The following PHACTR1 variants were observed in gnomAD, a reference collection of about 807,000 sequenced individuals.
PHACTR1 encodes RPEL repeat containing 1.
Under a neutral mutation model 69.2 loss-of-function variants are expected in PHACTR1, and 16 were observed. The ratio of observed to expected loss-of-function variants is 0.23; its 90% CI spans 0.16 to 0.35. The LOEUF (loss-of-function observed/expected upper bound fraction) is 0.35. Ranked by LOEUF, PHACTR1 falls within the 10% of genes least tolerant of loss-of-function variation. PHACTR1 has a pLI of 1.00. For missense variants in PHACTR1, 510 were observed against 734.7 expected (o/e 0.69, Z 3.54); for synonymous variants, 312 against 284.5 (o/e 1.10, Z -0.97).
intron 4 of PHACTR1, among the ~76,000 whole-genome samples, chr6:12,850,189 A>G (rs1343468692): frequency 6.6e-6 from 1 of 152,200 alleles, no homozygotes; most frequent in Non-Finnish European, 1.5e-5. Context: ...CCCAAAGCCT[A>G]TGCCAGATAT....
chr6:13,242,744 T>C lies in PHACTR1; in HGVS notation c.1391+12551T>C, dbSNP rs188982143. Among the ~76,000 whole-genome samples the C allele has an allele frequency of 2.2e-3, 338 of 152,316 alleles. 3 individuals carry two copies. The highest frequency in any genetic ancestry group is 7.7e-3 in the African/African-American group (322 of 41,576). On this transcript the variant is annotated intron_variant, in intron 10 of 14. Transcript: ENST00000332995. Reference sequence around the variant, plus strand: ...ACTGAGAAATCACAAAAAGGAACAGTGGACTTTGAGCTCGAGTGAGTTTGT... The same window carrying C: ...ACTGAGAAATCACAAAAAGGAACAGCGGACTTTGAGCTCGAGTGAGTTTGT...
At chr6:12,922,768 T>G (rs1043793128) in intron 4 of PHACTR1, among the ~76,000 whole-genome samples, 2 of 152,166 alleles carry the variant, frequency 1.3e-5, no homozygotes, top group African/African-American at 4.8e-5. Context: ...GCTTACTAAT[T>G]CACTAATTCT....
chr6:13,018,151 TGA>T (rs1004543364), intron 4 of PHACTR1, among the ~76,000 whole-genome samples: 2 of 152,240 alleles, frequency 1.3e-5, no homozygotes, highest in Non-Finnish European at 2.9e-5. Context: ...GTTCATCCAT[TGA>T]GACAGCCTTT....
chr6:13,189,952 G>A (rs1343998904), intron 7 of PHACTR1, among the ~76,000 whole-genome samples: 1 of 151,016 alleles, frequency 6.6e-6, no homozygotes, highest in Non-Finnish European at 1.5e-5. Context: ...TTGCTGGCTT[G>A]TAGACAGCTC....
At chr6:12,936,324 A>G (rs1470832398) in intron 4 of PHACTR1, among the ~76,000 whole-genome samples, 1 of 152,210 alleles carries the variant, frequency 6.6e-6, no homozygotes, top group Non-Finnish European at 1.5e-5. Flanking sequence ...TTTAATATTA[A>G]TTGATTAATC....
chr6:13,114,397 A>G (rs1192232638), intron 5 of PHACTR1, among the ~76,000 whole-genome samples: 1 of 152,194 alleles, frequency 6.6e-6, no homozygotes, highest in Non-Finnish European at 1.5e-5. Context: ...CTCCAGGCTC[A>G]GGTAATCCTG....
At chr6:13,118,740 G>A (rs1315488206) in intron 5 of PHACTR1, among the ~76,000 whole-genome samples, 2 of 152,108 alleles carry the variant, frequency 1.3e-5, no homozygotes, top group Non-Finnish European at 2.9e-5. Flanking sequence ...GCCTCCTAAA[G>A]TGTTGGGATT....
At chr6:12,981,038 T>C (rs1395675273) in intron 4 of PHACTR1, among the ~76,000 whole-genome samples, 1 of 152,234 alleles carries the variant, frequency 6.6e-6, no homozygotes, top group Non-Finnish European at 1.5e-5. Context: ...TGGGAATGCT[T>C]GCCAAACAGG....
At chr6:12,799,665 A>G (rs1007809165) in intron 4 of PHACTR1, among the ~76,000 whole-genome samples, 1 of 152,196 alleles carries the variant, frequency 6.6e-6, no homozygotes, top group Non-Finnish European at 1.5e-5. Flanking sequence ...TGATGTGTCA[A>G]TAACCTTGGT....
At chr6:13,047,203 C>T (rs1342290114) in intron 4 of PHACTR1, among the ~76,000 whole-genome samples, 2 of 151,878 alleles carry the variant, frequency 1.3e-5, no homozygotes, top group Non-Finnish European at 2.9e-5. Flanking sequence ...CATGGTGAAA[C>T]CTTGTCTCTG....
chr6:12,939,522 C>T (rs773369563), intron 4 of PHACTR1, among the ~76,000 whole-genome samples: 1 of 152,114 alleles, frequency 6.6e-6, no homozygotes, highest in Non-Finnish European at 1.5e-5. Flanking sequence ...CCTCATCAGT[C>T]AAAATCCCAG....
At chr6:13,228,191 C>T (rs1584081657) in intron 9 of PHACTR1, 128 bp downstream of exon 9, 13 of 1,214,902 alleles carry the variant, frequency 1.1e-5, no homozygotes, top group Non-Finnish European at 1.3e-5. Context: ...GGTCCTGGGT[C>T]GTAGGGCAGC....
chr6:12,758,004 C>A (rs1767551283), intron 4 of PHACTR1, among the ~76,000 whole-genome samples: 1 of 152,108 alleles, frequency 6.6e-6, no homozygotes, highest in Non-Finnish European at 1.5e-5. Flanking sequence ...CCCAGCTCCT[C>A]TGGAGGCTGA....
intron 4 of PHACTR1, among the ~76,000 whole-genome samples, chr6:12,885,687 A>G (rs1783567450): frequency 6.6e-6 from 1 of 152,210 alleles, no homozygotes; most frequent in Non-Finnish European, 1.5e-5. Context: ...TAGAAAAAAT[A>G]CTGTTCTTTA....
chr6:13,131,926 T>C lies in PHACTR1; in HGVS notation c.416-28278T>C, dbSNP rs540250735. On this transcript the variant is annotated intron_variant, in intron 5 of 14. Transcript: ENST00000332995. ...TTTAGAAAAAGAAGCTGAACTCAGC[T>C]GTCATTCAAAATCTGACTTTCATAT... Among the ~76,000 whole-genome samples, 215 of 152,338 alleles carry C rather than the reference T, an allele frequency of 1.4e-3. 3 individuals are homozygous for C. In the South Asian group the frequency reaches 0.017, roughly 12 times the overall value.
chr6:13,039,072 T>C (rs1323006360), intron 4 of PHACTR1, among the ~76,000 whole-genome samples: 1 of 152,208 alleles, frequency 6.6e-6, no homozygotes, highest in African/African-American at 2.4e-5. Flanking sequence ...AACATTCTTT[T>C]AGTAGGGCAA....
chr6:12,864,751 A>G (rs1481321202), intron 4 of PHACTR1, among the ~76,000 whole-genome samples: 2 of 151,976 alleles, frequency 1.3e-5, no homozygotes, highest in Admixed American at 1.3e-4. Flanking sequence ...TAATTCCTTC[A>G]GTTAATTTGT....
chr6:12,924,640 T>C (rs1788075141), intron 4 of PHACTR1, among the ~76,000 whole-genome samples: 1 of 151,760 alleles, frequency 6.6e-6, no homozygotes, highest in South Asian at 2.1e-4. Context: ...TGGGCAAGGG[T>C]GGCAGGCACC....
intron 4 of PHACTR1, among the ~76,000 whole-genome samples, chr6:12,916,839 T>C (rs1242485634): frequency 6.6e-6 from 1 of 152,236 alleles, no homozygotes; most frequent in Non-Finnish European, 1.5e-5. Context: ...CTCAAAATGA[T>C]TAATAACTAA....
Sources: allele counts gnomAD v4.1 joint callset (sites outside exome capture counted in the v4.1 genomes callset), GRCh38; gene constraint gnomAD v4.1.1; transcripts MANE v1.5; gene names NCBI Gene and HGNC (gene_info 2026-07-23, HGNC 2026-07-21).